PRICKLE2: variants seen among roughly 807,000 people sequenced by gnomAD.
PRICKLE2 encodes prickle planar cell polarity protein 2.
Under a neutral mutation model 81.4 loss-of-function variants are expected in PRICKLE2, and 21 were observed. The ratio of observed to expected loss-of-function variants is 0.26; its 90% confidence interval spans 0.18 to 0.37. PRICKLE2 has a LOEUF of 0.37. Among genes scored for constraint, PRICKLE2 ranks in the 10% least tolerant of loss-of-function variants. The pLI is 1.00. For synonymous variants in PRICKLE2, 456 were observed against 421.5 expected, an observed-to-expected ratio of 1.08 and a Z score of -1.00; for missense variants, 940 against 1,109.0, an observed-to-expected ratio of 0.85 and a Z score of 2.16.
intron 2 of PRICKLE2, 132 bp from the exon 3 acceptor site, chr3:64,163,261 C>T: frequency 1.4e-6 from 1 of 734,876 alleles, no homozygotes; most frequent in Non-Finnish European, 2.5e-6. Context: ...TGAAAGTCAA[C>T]AGCAGATGAG....
chr3:64,205,019 T>C (rs1018918890), intron 1 of PRICKLE2, among the ~76,000 whole-genome samples: 1 of 151,092 alleles, frequency 6.6e-6, no homozygotes, highest in African/African-American at 2.4e-5. Context: ...TATTCGGAAG[T>C]GTGTGGGGAA....
chr3:64,176,314 G>A (rs1004919432), intron 2 of PRICKLE2, among the ~76,000 whole-genome samples: 9 of 152,184 alleles, frequency 5.9e-5, no homozygotes, highest in African/African-American at 2.2e-4. Flanking sequence ...TGAATTTTGA[G>A]TTATCTCTTT....
At chr3:64,202,723 G>GTTTTAC (rs2078609591) in intron 1 of PRICKLE2, among the ~76,000 whole-genome samples, 1 of 151,402 alleles carries the variant, frequency 6.6e-6, no homozygotes, top group Non-Finnish European at 1.5e-5. Flanking sequence ...CAAATAGAGA[G>GTTTTAC]TTTTACTTTT....
At chr3:64,202,645 C>CGTGCGTGT (rs1553652980) in intron 1 of PRICKLE2, among the ~76,000 whole-genome samples, 1 of 149,326 alleles carries the variant, frequency 6.7e-6, no homozygotes, top group Non-Finnish European at 1.5e-5. Flanking sequence ...TACTTGTGTG[C>CGTGCGTGT]GTGTGTGTGT....
chr3:64,248,236 G>T (rs1231359270), intron 2 of PRICKLE2, among the ~76,000 whole-genome samples: 3 of 152,224 alleles, frequency 2.0e-5, no homozygotes, highest in African/African-American at 7.2e-5. Context: ...GGCAGCAAAT[G>T]GTTTCATCTA....
chr3:64,118,133 G>T (rs944875691), intron 7 of PRICKLE2, among the ~76,000 whole-genome samples: 3 of 152,160 alleles, frequency 2.0e-5, no homozygotes, highest in African/African-American at 7.2e-5. Context: ...ATGGTGCTGG[G>T]ATAACTGGCT....
intron 7 of PRICKLE2, among the ~76,000 whole-genome samples, chr3:64,107,210 A>C (rs1449080743): frequency 2.0e-5 from 3 of 152,184 alleles, no homozygotes; most frequent in Non-Finnish European, 4.4e-5. Flanking sequence ...TTTAACTGCC[A>C]GCATGAAGGT....
chr3:64,247,220 T>A (rs578154997), intron 2 of PRICKLE2, among the ~76,000 whole-genome samples: 8 of 152,190 alleles, frequency 5.3e-5, no homozygotes, highest in Non-Finnish European at 1.0e-4. Flanking sequence ...ATTATATATA[T>A]CATACTTTTT....
intron 2 of PRICKLE2, among the ~76,000 whole-genome samples, chr3:64,233,966 G>T (rs935491670): frequency 6.6e-6 from 1 of 152,018 alleles, no homozygotes; most frequent in African/African-American, 2.4e-5. Flanking sequence ...TTCACCTAGT[G>T]TATTTTTGGT....
chr3:64,240,746 C>A (rs557385768), intron 2 of PRICKLE2, among the ~76,000 whole-genome samples: 1 of 152,220 alleles, frequency 6.6e-6, no homozygotes, highest in African/African-American at 2.4e-5. Context: ...ATTCTCAGGC[C>A]CTACCCAGAC....
At chr3:64,229,318 C>T (rs2079069728), upstream of PRICKLE2, among the ~76,000 whole-genome samples, 1 of 152,088 alleles carries the variant, frequency 6.6e-6, no homozygotes, top group African/African-American at 2.4e-5. Context: ...AGGTCAAGTA[C>T]ATCTCTACTG....
In PRICKLE2 at chr3:64,246,785, C is replaced by T. The variant is rs182670909; in HGVS notation, c.129-47818G>A. Among the ~76,000 whole-genome samples the T allele has an allele frequency of 8.5e-5, 13 of 152,320 alleles. No individual in the cohort carries two copies. In the East Asian group the frequency reaches 1.9e-3, roughly 23 times the overall value. Reference sequence around the variant, plus strand: ...TGTCTAAAGACTTTGGTCCAGTTCACAGCCAAAGGTTTTACTTTCCTTTGC... The same window carrying T: ...TGTCTAAAGACTTTGGTCCAGTTCATAGCCAAAGGTTTTACTTTCCTTTGC... On this transcript the variant is annotated intron_variant, in intron 2 of 8. Transcript: ENST00000295902.
intron 7 of PRICKLE2, among the ~76,000 whole-genome samples, chr3:64,122,705 G>A (rs1300783964): frequency 1.3e-5 from 2 of 152,156 alleles, no homozygotes; most frequent in African/African-American, 2.4e-5. Flanking sequence ...ACTGTCAGAC[G>A]CAGGCTTTCC....
chr3:64,181,082 T>C (rs1286845774), intron 2 of PRICKLE2, among the ~76,000 whole-genome samples: 2 of 152,330 alleles, frequency 1.3e-5, no homozygotes, highest in East Asian at 1.9e-4. Context: ...AGCATTTTCA[T>C]TGAGAAGACC....
At chr3:64,247,319 T>C (rs1424667197) in intron 2 of PRICKLE2, among the ~76,000 whole-genome samples, 1 of 152,092 alleles carries the variant, frequency 6.6e-6, no homozygotes, top group Non-Finnish European at 1.5e-5. Flanking sequence ...AAGATATCAG[T>C]GAGTTTTTTT....
At chr3:64,153,804 A>T (rs2107027450) in intron 5 of PRICKLE2, 1 of 196,046 alleles carries the variant, frequency 5.1e-6, no homozygotes, top group South Asian at 9.0e-5. Flanking sequence ...CTCAGTGCAC[A>T]TTCCTACATG....
intron 7 of PRICKLE2, among the ~76,000 whole-genome samples, chr3:64,144,847 C>T (rs906553838): frequency 1.3e-5 from 2 of 152,146 alleles, no homozygotes; most frequent in Non-Finnish European, 2.9e-5. Context: ...CTGCTGAAAA[C>T]GCACTTGGAT....
At chr3:64,241,814 G>A (rs371761088) in intron 2 of PRICKLE2, among the ~76,000 whole-genome samples, 6 of 152,112 alleles carry the variant, frequency 3.9e-5, no homozygotes, top group Admixed American at 1.3e-4. Flanking sequence ...CCTGATTGTC[G>A]GCAGCCCCAA....
At chr3:64,253,699 C>G (rs2079482838) in intron 2 of PRICKLE2, among the ~76,000 whole-genome samples, 1 of 152,164 alleles carries the variant, frequency 6.6e-6, no homozygotes, top group African/African-American at 2.4e-5. Context: ...CAGGCAAACA[C>G]AGCCTTATTT....
Sources: gnomAD v4.1 joint callset for allele counts (sites outside exome capture counted in the v4.1 genomes callset) on GRCh38, gnomAD v4.1.1 for gene constraint, MANE v1.5 for transcripts, NCBI Gene and HGNC (gene_info 2026-07-23, HGNC 2026-07-21) for gene names.